TBC1D4: variants seen among roughly 807,000 people sequenced by gnomAD.
TBC1D4 encodes TBC (Tre-2, BUB2, CDC16) domain-containing protein.
TBC1D4 carries 121 observed loss-of-function variants against 142.5 expected under a neutral mutation model. That is an observed-to-expected ratio of 0.85 (90% CI 0.73 to 0.99). TBC1D4 has a LOEUF of 0.99. Among genes scored for constraint, TBC1D4 ranks in the 50% least tolerant of loss-of-function variants. TBC1D4 has a pLI of 0.00. For missense variants in TBC1D4, 1,475 were observed against 1,606.6 expected (o/e 0.92, Z 1.40); for synonymous variants, 630 against 628.2 (o/e 1.00, Z -0.04).
At chr13:75,451,087 A>T (rs1887513393) in intron 1 of TBC1D4, among the ~76,000 whole-genome samples, 1 of 152,068 alleles carries the variant, frequency 6.6e-6, no homozygotes, top group African/African-American at 2.4e-5. Context: ...ATCTATTACC[A>T]TTTCTTTACC....
intron 13 of TBC1D4, among the ~76,000 whole-genome samples, chr13:75,310,752 G>A (rs1440997953): frequency 6.6e-6 from 1 of 152,150 alleles, no homozygotes; most frequent in African/African-American, 2.4e-5. Flanking sequence ...CGCCACCCAG[G>A]TAGTGAGCAC....
intron 1 of TBC1D4, among the ~76,000 whole-genome samples, chr13:75,388,009 G>T (rs535745717): frequency 4.9e-4 from 74 of 152,254 alleles, no homozygotes; most frequent in African/African-American, 1.7e-3. Context: ...CTTCTTTCAG[G>T]CTGTCACCTG....
chr13:75,422,284 A>G (rs1886202841), intron 1 of TBC1D4, among the ~76,000 whole-genome samples: 1 of 152,144 alleles, frequency 6.6e-6, no homozygotes, highest in Non-Finnish European at 1.5e-5. Flanking sequence ...AAAAAAAATC[A>G]AAATAATTCA....
chr13:75,379,332 A>G (rs1883690513), intron 1 of TBC1D4, among the ~76,000 whole-genome samples: 1 of 152,318 alleles, frequency 6.6e-6, no homozygotes, highest in African/African-American at 2.4e-5. Flanking sequence ...AATGAAATCA[A>G]TATGTGCAAT....
At chr13:75,306,915 T>G (rs1040872664) in intron 14 of TBC1D4, among the ~76,000 whole-genome samples, 3 of 152,212 alleles carry the variant, frequency 2.0e-5, no homozygotes, top group African/African-American at 7.2e-5. Flanking sequence ...CTGCCCTTAA[T>G]AACTAATAAA....
rs779596146 is a variant in TBC1D4, at chr13:75,362,413, C to A, written c.693G>T (p.Leu231=). The A allele has an allele frequency of 6.2e-6, 10 of 1,614,120 alleles. No individual in the cohort carries two copies. The South Asian group carries it at 6.6e-5, about 11-fold the overall frequency. ...LIDDCMEKFS[L]HEQQRLKIQG... The stretch of plus-strand genomic sequence containing the variant: ...GGATCTTCAGGCGCTGCTGTTCGTG[C>A]AGGCTGAACTTCTCCATGCAGTCAT... Residue 231 remains leucine, a synonymous_variant, in exon 2 of 21, where the codon CTG becomes CTT. Transcript: ENST00000377636. The surrounding 1 kb of genome is among the most constrained non-coding windows in gnomAD (Gnocchi z 4.2).
intron 16 of TBC1D4, among the ~76,000 whole-genome samples, chr13:75,300,577 T>C (rs1246698304): frequency 6.6e-6 from 1 of 152,046 alleles, no homozygotes; most frequent in Admixed American, 6.5e-5. Flanking sequence ...TATGAGAAAA[T>C]AACAATTGCA....
chr13:75,399,585 G>A (rs111460417), intron 1 of TBC1D4, among the ~76,000 whole-genome samples: 4 of 152,298 alleles, frequency 2.6e-5, no homozygotes, highest in Admixed American at 6.5e-5. Flanking sequence ...TATCTGAGTC[G>A]GAGCCTGATG....
At chr13:75,313,148 T>A (rs1390074570) in intron 12 of TBC1D4, among the ~76,000 whole-genome samples, 1 of 152,164 alleles carries the variant, frequency 6.6e-6, no homozygotes, top group African/African-American at 2.4e-5. Context: ...AGCCAACCAG[T>A]CCTAGTTCTA....
At chr13:75,354,154 G>A (rs1404287664) in intron 4 of TBC1D4, among the ~76,000 whole-genome samples, 1 of 152,212 alleles carries the variant, frequency 6.6e-6, no homozygotes, top group Non-Finnish European at 1.5e-5. Context: ...GGTCATGAAA[G>A]GGCATAGTAT....
intron 1 of TBC1D4, among the ~76,000 whole-genome samples, chr13:75,472,598 C>T (rs924557939): frequency 6.6e-6 from 1 of 151,856 alleles, no homozygotes; most frequent in African/African-American, 2.4e-5. Context: ...TTAGAAGGAG[C>T]TAACAGGAAG....
At chr13:75,481,195 T>TCGC in intron 1 of TBC1D4, 75 bp downstream of exon 1, 43 of 1,292,706 alleles carry the variant, frequency 3.3e-5, no homozygotes, top group Non-Finnish European at 3.9e-5. Flanking sequence ...TAAAGTGGGG[T>TCGC]CCCCGCCCCT....
intron 1 of TBC1D4, among the ~76,000 whole-genome samples, chr13:75,440,664 C>T (rs1184788393): frequency 1.3e-5 from 2 of 151,908 alleles, no homozygotes; most frequent in Non-Finnish European, 2.9e-5. Flanking sequence ...AGGGATCCCC[C>T]CAGCTTAGCC....
At chr13:75,288,157 TG>T (rs1874888392) in intron 20 of TBC1D4, among the ~76,000 whole-genome samples, 1 of 152,220 alleles carries the variant, frequency 6.6e-6, no homozygotes, top group South Asian at 2.1e-4. Context: ...GCAGGAATGA[TG>T]TATTAATATT....
At chr13:75,456,388 A>C (rs1566503496) in intron 1 of TBC1D4, among the ~76,000 whole-genome samples, 2 of 152,202 alleles carry the variant, frequency 1.3e-5, no homozygotes, top group Admixed American at 1.3e-4. Context: ...GCAACAAACT[A>C]GAAGAATGGA....
intron 11 of TBC1D4, among the ~76,000 whole-genome samples, chr13:75,321,293 A>T (rs186183423): frequency 6.3e-4 from 96 of 152,288 alleles, no homozygotes; most frequent in African/African-American, 2.2e-3. Flanking sequence ...AGAGTTCAGA[A>T]ACCACTGGGT....
intron 11 of TBC1D4, among the ~76,000 whole-genome samples, chr13:75,321,822 T>A (rs979709426): frequency 2.0e-5 from 3 of 151,726 alleles, no homozygotes; most frequent in African/African-American, 7.3e-5. Context: ...AATGGAAAAA[T>A]TGAGATATAT....
intron 4 of TBC1D4, among the ~76,000 whole-genome samples, chr13:75,351,912 G>A (rs1270438086): frequency 3.3e-5 from 5 of 152,170 alleles, no homozygotes; most frequent in Admixed American, 1.3e-4. Context: ...AACCACCCAT[G>A]TATTGAAGTG....
At chr13:75,346,776 T>G (rs962606243) in intron 5 of TBC1D4, among the ~76,000 whole-genome samples, 4 of 135,652 alleles carry the variant, frequency 2.9e-5, no homozygotes, top group East Asian at 2.2e-4. Flanking sequence ...AAAAAAAAAT[T>G]TATGGCATTA....
Sources: allele counts gnomAD v4.1 joint callset (sites outside exome capture counted in the v4.1 genomes callset), GRCh38; gene constraint gnomAD v4.1.1; non-coding constraint Gnocchi (gnomAD v3.1); transcripts MANE v1.5; gene names NCBI Gene and HGNC (gene_info 2026-07-23, HGNC 2026-07-21).